The following BPNT2 variants were observed in gnomAD, a reference collection of about 807,000 sequenced individuals.
The protein encoded by BPNT2 is 3'(2'), 5'-bisphosphate nucleotidase 2.
A neutral mutation model predicts 29.3 loss-of-function variants in BPNT2; 11 were observed. That is an observed-to-expected ratio of 0.38 (90% CI 0.24 to 0.62). BPNT2 has a LOEUF of 0.62. BPNT2 is among the 20% of genes least tolerant of loss of function. The pLI is 0.62. For missense variants in BPNT2, 459 were observed against 473.4 expected, an observed-to-expected ratio of 0.97 and a Z score of 0.28; for synonymous variants, 195 against 187.7, an observed-to-expected ratio of 1.04 and a Z score of -0.32.
chr8:56,977,142 A>T (rs1806154529), intron 3 of BPNT2, among the ~76,000 whole-genome samples: 1 of 152,210 alleles, frequency 6.6e-6, no homozygotes, highest in South Asian at 2.1e-4. Flanking sequence ...CAAATACATT[A>T]AATCTGCAAT....
intron 3 of BPNT2, among the ~76,000 whole-genome samples, chr8:56,970,829 T>C (rs895361115): frequency 6.6e-6 from 1 of 151,968 alleles, no homozygotes; most frequent in Admixed American, 6.6e-5. Context: ...TAAATCAGGA[T>C]GAAGGGGTAT....
chr8:56,966,122 T>G, intron 4 of BPNT2, 69 bp downstream of exon 4: 1 of 1,535,212 alleles, frequency 6.5e-7, no homozygotes, highest in South Asian at 1.1e-5. Flanking sequence ...ACAAGCAAAT[T>G]AGTCTCCTAA....
Position 56,978,619 on chromosome 8 carries a change from CAA to C in BPNT2, c.551-476_551-475del, listed in dbSNP as rs1308822502. 2.0e-5 allele frequency among the ~76,000 whole-genome samples: 3 copies of C among 151,038 alleles called. No homozygotes were observed. In the East Asian group the frequency reaches 5.8e-4, roughly 29 times the overall value. On this transcript the variant is annotated intron_variant, in intron 2 of 4. Transcript: ENST00000262644. ...TTCACTGCAGCACTATTCACAATAG[CAA>C]AGACATGGAATCATCTTAAATGCCC...
At chr8:56,971,852 T>C (rs76238624) in intron 3 of BPNT2, among the ~76,000 whole-genome samples, 311 of 140,046 alleles carry the variant, frequency 2.2e-3, no homozygotes, top group African/African-American at 7.4e-3. Context: ...CTATGTGACT[T>C]TGGGAGGCTG....
Position 56,993,207 on chromosome 8 carries a change from T to C in BPNT2, c.379A>G (p.Ser127Gly). The change falls in exon 1 of 5, where the codon AGC becomes GGC. Residue 127 changes from serine to glycine, a missense_variant. Transcript: ENST00000262644. ...MFYLLKTAFPSVQINTEEHVD... is the reference protein window; with the variant it reads ...MFYLLKTAFPGVQINTEEHVD... ...CGCCCGTGGGCTCCCACCTGGACGC[T>C]GGGGAAGGCGGTCTTGAGCAGGTAG... is the stretch of plus-strand genomic sequence containing the variant. The C allele has an allele frequency of 6.2e-7, 1 of 1,600,126 alleles. No individual in the cohort carries two copies. The highest frequency in any genetic ancestry group is 2.2e-5 in the East Asian group (1 of 44,738).
chr8:56,979,931 C>T (rs989163924), intron 2 of BPNT2, 104 bp downstream of exon 2: 1 of 1,075,494 alleles, frequency 9.3e-7, no homozygotes, highest in Non-Finnish European at 1.4e-6. Context: ...TGCTTCTTTA[C>T]TGAACAATCA....
rs111470879 is a variant in BPNT2 at position 56,980,096 on chromosome 8, C to T, written c.489G>A (p.Glu163=). 4 of 1,613,712 alleles carry T rather than the reference C, an allele frequency of 2.5e-6. No individual in the cohort carries two copies. The highest frequency in any genetic ancestry group is 1.3e-5 in the African/African-American group (1 of 75,002). Residue 163 remains glutamate, a synonymous_variant, in exon 2 of 5, where the codon GAG becomes GAA. Transcript: ENST00000262644. Reference sequence around the variant, plus strand: ...AGACAGTAACACTTTCTGCTGGTACCTCTTTAGGAGTAGTTACTTCCTTTA... The same window carrying T: ...AGACAGTAACACTTTCTGCTGGTACTTCTTTAGGAGTAGTTACTTCCTTTA... ...DILKEVTTPK[E]VPAESVTVWI...
At chr8:56,981,342 G>A (rs2129205649) in intron 1 of BPNT2, among the ~76,000 whole-genome samples, 1 of 152,288 alleles carries the variant, frequency 6.6e-6, no homozygotes, top group South Asian at 2.1e-4. Context: ...CGAGGCGGCT[G>A]GATCACGAGG....
chr8:56,982,105 C>T (rs900102402), intron 1 of BPNT2, among the ~76,000 whole-genome samples: 5 of 151,840 alleles, frequency 3.3e-5, no homozygotes, highest in East Asian at 1.9e-4. Flanking sequence ...AACATCAAAC[C>T]GCTTAAATCA....
At chr8:56,978,758 C>A (rs1806189947) in intron 2 of BPNT2, among the ~76,000 whole-genome samples, 1 of 152,004 alleles carries the variant, frequency 6.6e-6, no homozygotes, top group Non-Finnish European at 1.5e-5. Flanking sequence ...ATGGATGGAG[C>A]TGGAGGCCAT....
At chr8:56,971,784 C>CCCCCT (rs200399532) in intron 3 of BPNT2, among the ~76,000 whole-genome samples, 1 of 139,532 alleles carries the variant, frequency 7.2e-6, no homozygotes, top group Non-Finnish European at 1.6e-5. Flanking sequence ...TTTGTACCAC[C>CCCCCT]CCCCCCCCCA....
chr8:56,993,672 G>C lies in BPNT2; in HGVS notation c.-87C>G, dbSNP rs1806459337. ...CGCCGCCGCAGCCGCCGCGCTCCGG[G>C]CCAGGCGCCGCGCGGGCTACACTGG... On this transcript the variant is annotated 5_prime_UTR_variant, in exon 1 of 5. Coordinates refer to ENST00000262644, the MANE Select transcript of BPNT2 (RefSeq NM_017813.5). The C allele has an allele frequency of 6.4e-6, 7 of 1,099,828 alleles. No individual in the cohort carries two copies. The highest frequency in any genetic ancestry group is 6.6e-6 in the Non-Finnish European group (6 of 907,760). 68.1% of individuals were successfully genotyped at this position (1,099,828 alleles called of 1,614,324 possible). A position where few individuals can be genotyped will look rare whatever the true frequency, so the allele number is the denominator to read the frequency against.
chr8:56,978,442 T>G (rs1481629168), intron 2 of BPNT2, among the ~76,000 whole-genome samples: 1 of 152,124 alleles, frequency 6.6e-6, no homozygotes, highest in Non-Finnish European at 1.5e-5. Context: ...TATACACTGT[T>G]GGTGGGAGTG....
intron 3 of BPNT2, among the ~76,000 whole-genome samples, chr8:56,972,788 GA>G (rs1230266928): frequency 1.3e-5 from 2 of 150,862 alleles, no homozygotes; most frequent in Non-Finnish European, 2.9e-5. Context: ...ATGCCATTAA[GA>G]AAATCACTGA....
chr8:56,959,371 C>T lies in BPNT2; in HGVS notation c.*4422G>A, dbSNP rs2129202551. 1 of 152,294 alleles carries T rather than the reference C, an allele frequency of 6.6e-6. No homozygotes were observed. Among genetic ancestry groups the T allele is most frequent in the South Asian group, 2.1e-4 (1 of 4,822 alleles). The allele number at this position is 152,294 out of a possible 1,614,324, so 9.4% of individuals were successfully genotyped here. A position where few individuals can be genotyped will look rare whatever the true frequency, so the allele number is the denominator to read the frequency against. Reference sequence around the variant, plus strand: ...AATAAAAATAAACGATTTACATAAGCAGTACCTGGTAAAACCAAAACCTCC... The same window carrying T: ...AATAAAAATAAACGATTTACATAAGTAGTACCTGGTAAAACCAAAACCTCC... On this transcript the variant is annotated 3_prime_UTR_variant, in exon 5 of 5. Coordinates refer to ENST00000262644, the MANE Select transcript of BPNT2 (RefSeq NM_017813.5).
At chr8:56,970,442 A>G (rs564597689) in intron 3 of BPNT2, among the ~76,000 whole-genome samples, 1 of 152,312 alleles carries the variant, frequency 6.6e-6, no homozygotes, top group South Asian at 2.1e-4. Context: ...ACCATTCTAA[A>G]GGAGAAATGA....
At chr8:56,992,692 C>A (rs1806437345) in intron 1 of BPNT2, among the ~76,000 whole-genome samples, 2 of 141,780 alleles carry the variant, frequency 1.4e-5, no homozygotes, top group Non-Finnish European at 3.1e-5. Flanking sequence ...TCCCCCACCC[C>A]CCCACCCCGA....
At chr8:56,964,779 T>C (rs1805912916) in intron 4 of BPNT2, among the ~76,000 whole-genome samples, 1 of 152,178 alleles carries the variant, frequency 6.6e-6, no homozygotes, top group South Asian at 2.1e-4. Flanking sequence ...AGGCCCGATG[T>C]GAAAGAGAAC....
chr8:56,989,415 CA>C (rs1422014291), intron 1 of BPNT2, among the ~76,000 whole-genome samples: 1 of 151,122 alleles, frequency 6.6e-6, no homozygotes, highest in African/African-American at 2.4e-5. Flanking sequence ...CAATCTTTGG[CA>C]AATTATTTAG....
Sources: allele counts gnomAD v4.1 joint callset (sites outside exome capture counted in the v4.1 genomes callset), GRCh38; gene constraint gnomAD v4.1.1; transcripts MANE v1.5; gene names NCBI Gene and HGNC (gene_info 2026-07-23, HGNC 2026-07-21).